CERS6: variants seen among roughly 807,000 people sequenced by gnomAD.
CERS6 encodes the protein ceramide synthase 6.
In CERS6, 26 loss-of-function variants were observed where a neutral mutation model predicts 56.8. The ratio of observed to expected loss-of-function variants is 0.46; its 90% CI spans 0.34 to 0.63. CERS6 has a LOEUF of 0.63. Among genes scored for constraint, CERS6 ranks in the 30% least tolerant of loss-of-function variants. CERS6 has a pLI of 0.01. For missense variants in CERS6, 415 were observed against 467.5 expected (o/e 0.89, Z 1.04); for synonymous variants, 164 against 173.3 (o/e 0.95, Z 0.42).
chr2:168,542,068 C>T (rs1695382940), intron 1 of CERS6, among the ~76,000 whole-genome samples: 1 of 152,128 alleles, frequency 6.6e-6, no homozygotes, highest in Non-Finnish European at 1.5e-5. Context: ...TGGACACTTC[C>T]CCAAAGTCAG....
chr2:168,668,602 G>A lies in CERS6; in HGVS notation c.466-22432G>A, dbSNP rs116028748. 6.1e-3 allele frequency among the ~76,000 whole-genome samples: 924 copies of A among 151,770 alleles called. 8 individuals carry two copies. Among genetic ancestry groups the A allele is most frequent in the African/African-American group, 0.021 (865 of 41,366 alleles). On this transcript the variant is annotated intron_variant, in intron 4 of 9. Transcript: ENST00000305747. The stretch of plus-strand genomic sequence containing the variant: ...GCTGGGATTACAGGTACCTGCCACC[G>A]TGCCCAGCCAATTATTTTTCTTAAT...
intron 1 of CERS6, among the ~76,000 whole-genome samples, chr2:168,533,087 C>T (rs949116232): frequency 6.6e-6 from 1 of 152,214 alleles, no homozygotes; most frequent in African/African-American, 2.4e-5. Context: ...ACTACTCTTC[C>T]TGATAACAAA....
intron 1 of CERS6, among the ~76,000 whole-genome samples, chr2:168,508,352 A>G (rs1055561156): frequency 5.9e-5 from 9 of 152,316 alleles, no homozygotes; most frequent in South Asian, 2.1e-4. Context: ...ATGATCTGTA[A>G]AAGGTTGGGT....
intron 2 of CERS6, among the ~76,000 whole-genome samples, chr2:168,557,564 G>C (rs1031292448): frequency 6.6e-6 from 1 of 152,066 alleles, no homozygotes; most frequent in Non-Finnish European, 1.5e-5. Context: ...AAGATGAATG[G>C]TATATGAGTA....
intron 4 of CERS6, among the ~76,000 whole-genome samples, chr2:168,631,803 A>G (rs1684747817): frequency 7.8e-6 from 1 of 128,330 alleles, no homozygotes; most frequent in Non-Finnish European, 1.6e-5. Context: ...TATAATATAT[A>G]TTATATAATT....
At chr2:168,502,307 G>C (rs1289909015) in intron 1 of CERS6, among the ~76,000 whole-genome samples, 2 of 152,122 alleles carry the variant, frequency 1.3e-5, no homozygotes, top group Non-Finnish European at 2.9e-5. Context: ...CCGTCTTTCA[G>C]ACTCTGAAAC....
intron 2 of CERS6, among the ~76,000 whole-genome samples, chr2:168,559,733 T>TTATATATATATATATATATATATATATA (rs61031993): frequency 0.025 from 1,664 of 66,058 alleles, 539 homozygotes; most frequent in Non-Finnish European, 0.035. Flanking sequence ...TAGAAAGGTA[T>TTATATATATATATATATATATATATATA]CATATATATA....
At chr2:168,700,943 A>G (rs1686790194) in intron 6 of CERS6, among the ~76,000 whole-genome samples, 1 of 152,006 alleles carries the variant, frequency 6.6e-6, no homozygotes, top group South Asian at 2.1e-4. Flanking sequence ...TTCTCAGCCA[A>G]CCTCCTCTTT....
chr2:168,462,766 T>A (rs1193731979), intron 1 of CERS6, among the ~76,000 whole-genome samples: 1 of 152,166 alleles, frequency 6.6e-6, no homozygotes, highest in Non-Finnish European at 1.5e-5. Context: ...TCTCCTGGCC[T>A]CAAGTGATCC....
chr2:168,662,863 A>T (rs986471979), intron 4 of CERS6, among the ~76,000 whole-genome samples: 10 of 152,266 alleles, frequency 6.6e-5, no homozygotes, highest in African/African-American at 2.4e-4. Context: ...TCTTGTTGGC[A>T]TATAGTAACT....
At chr2:168,746,701 A>G (rs147988913) in intron 8 of CERS6, among the ~76,000 whole-genome samples, 1 of 147,468 alleles carries the variant, frequency 6.8e-6, no homozygotes, top group Non-Finnish European at 1.5e-5. Context: ...CTGGCACTGA[A>G]GCAGCTTCCC....
intron 1 of CERS6, among the ~76,000 whole-genome samples, chr2:168,513,912 C>T (rs1436697341): frequency 1.3e-5 from 2 of 152,134 alleles, no homozygotes; most frequent in Non-Finnish European, 2.9e-5. Context: ...CACCACCTCC[C>T]CTCAGCTTTG....
intron 1 of CERS6, among the ~76,000 whole-genome samples, chr2:168,509,900 TAAAC>T (rs5836185): frequency 1.6e-4 from 25 of 152,174 alleles, no homozygotes; most frequent in Non-Finnish European, 2.8e-4. Context: ...GTCTCTACGA[TAAAC>T]AAACAAACAA....
At chr2:168,579,960 T>C (rs1236063132) in intron 3 of CERS6, among the ~76,000 whole-genome samples, 1 of 152,200 alleles carries the variant, frequency 6.6e-6, no homozygotes, top group African/African-American at 2.4e-5. Flanking sequence ...CATAGTCCCC[T>C]TGATAATCAC....
intron 8 of CERS6, among the ~76,000 whole-genome samples, chr2:168,726,923 G>A (rs1683369434): frequency 6.6e-6 from 1 of 152,150 alleles, no homozygotes; most frequent in Non-Finnish European, 1.5e-5. Context: ...TCTCATTTTA[G>A]TGGCTTCTGT....
At chr2:168,474,214 C>G (rs910394997) in intron 1 of CERS6, among the ~76,000 whole-genome samples, 2 of 152,146 alleles carry the variant, frequency 1.3e-5, no homozygotes, top group Non-Finnish European at 2.9e-5. Flanking sequence ...CACAGCATCC[C>G]GTTATGTGGG....
At chr2:168,725,089 T>C (rs1233334649) in intron 8 of CERS6, among the ~76,000 whole-genome samples, 3 of 152,196 alleles carry the variant, frequency 2.0e-5, no homozygotes, top group African/African-American at 7.2e-5. Context: ...GCAGCGCCAG[T>C]GGGCTGGCAC....
At chr2:168,576,366 T>A (rs1443150057) in intron 3 of CERS6, among the ~76,000 whole-genome samples, 1 of 152,174 alleles carries the variant, frequency 6.6e-6, no homozygotes. Flanking sequence ...GCAATGTGTT[T>A]GTTTCATTTA....
chr2:168,563,813 C>A (rs1695835958), intron 3 of CERS6, among the ~76,000 whole-genome samples: 1 of 151,976 alleles, frequency 6.6e-6, no homozygotes, highest in Admixed American at 6.6e-5. Flanking sequence ...AGAAAATAAC[C>A]AGATATGTGT....
Sources: allele counts gnomAD v4.1 joint callset (sites outside exome capture counted in the v4.1 genomes callset), GRCh38; gene constraint gnomAD v4.1.1; transcripts MANE v1.5; gene names NCBI Gene and HGNC (gene_info 2026-07-23, HGNC 2026-07-21).